The following KIF1B variants were observed in gnomAD, a reference collection of about 807,000 sequenced individuals.
The protein encoded by KIF1B is kinesin-like protein KIF1B.
Under a neutral mutation model 241.9 loss-of-function variants are expected in KIF1B, and 76 were observed. The ratio of observed to expected loss-of-function variants is 0.31; its 90% CI spans 0.26 to 0.38. The LOEUF (loss-of-function observed/expected upper bound fraction) is 0.38. Ranked by LOEUF, KIF1B falls within the 10% of genes least tolerant of loss-of-function variation. The pLI, the probability that KIF1B is intolerant of heterozygous loss-of-function variation, is 1.00. For synonymous variants in KIF1B, 750 were observed against 796.7 expected, an observed-to-expected ratio of 0.94 and a Z score of 0.99; for missense variants, 1,622 against 2,271.4, an observed-to-expected ratio of 0.71 and a Z score of 5.81.
intron 2 of KIF1B, among the ~76,000 whole-genome samples, chr1:10,252,342 C>T (rs1647500236): frequency 6.6e-6 from 1 of 151,030 alleles, no homozygotes; most frequent in Non-Finnish European, 1.5e-5. Flanking sequence ...GCCCAGCCAT[C>T]AGTTCCCACT....
At chr1:10,345,747 T>C (rs1652564678) in intron 34 of KIF1B, 98 bp from the exon 35 acceptor site, 2 of 865,784 alleles carry the variant, frequency 2.3e-6, no homozygotes, top group Admixed American at 2.0e-5. Flanking sequence ...CTTGCTGCCT[T>C]TCCCAAGTAT....
At chr1:10,262,842 A>G (rs1184280661) in intron 5 of KIF1B, among the ~76,000 whole-genome samples, 2 of 152,154 alleles carry the variant, frequency 1.3e-5, no homozygotes, top group Non-Finnish European at 2.9e-5. Flanking sequence ...TTTTAAATAT[A>G]TATAATCAAA....
intron 31 of KIF1B, among the ~76,000 whole-genome samples, chr1:10,338,677 C>G (rs551658871): frequency 6.6e-6 from 1 of 152,354 alleles, no homozygotes; most frequent in African/African-American, 2.4e-5. Flanking sequence ...CTGGTGTTAG[C>G]TCTGGGGAAA....
chr1:10,264,517 C>G (rs746089956), intron 5 of KIF1B, among the ~76,000 whole-genome samples: 2 of 152,098 alleles, frequency 1.3e-5, no homozygotes, highest in African/African-American at 2.4e-5. Flanking sequence ...TAATATATTC[C>G]GGGGATTCAG....
intron 27 of KIF1B, among the ~76,000 whole-genome samples, chr1:10,332,499 T>G: frequency 7.5e-6 from 1 of 132,594 alleles, no homozygotes; most frequent in Non-Finnish European, 1.6e-5. Flanking sequence ...AAGATAATAG[T>G]CATTTTTTTT....
At chr1:10,343,199 A>G (rs1302409315) in intron 33 of KIF1B, 33 bp from the exon 34 acceptor site, 3 of 1,611,608 alleles carry the variant, frequency 1.9e-6, no homozygotes, top group Admixed American at 3.3e-5. Flanking sequence ...ATAACTCTTT[A>G]TAGTCTTGAT....
chr1:10,372,614 G>C (rs112126711), intron 45 of KIF1B, among the ~76,000 whole-genome samples: 5,192 of 141,646 alleles, frequency 0.037, 117 homozygotes, highest in Middle Eastern at 0.12. Context: ...GGAGGCGGAG[G>C]TTGCAGTGAG....
intron 22 of KIF1B, among the ~76,000 whole-genome samples, chr1:10,311,600 C>T (rs1417991910): frequency 6.6e-6 from 1 of 151,436 alleles, no homozygotes; most frequent in East Asian, 1.9e-4. Context: ...ACCAAAGCTG[C>T]TCTTATCAGA....
chr1:10,358,119 GAA>G (rs1480170879), intron 38 of KIF1B, among the ~76,000 whole-genome samples: 2 of 134,852 alleles, frequency 1.5e-5, no homozygotes, highest in Non-Finnish European at 3.2e-5. Context: ...AAAAAAAAAA[GAA>G]AGAAACTTTT....
chr1:10,286,999 A>G (rs1400847756), intron 15 of KIF1B, among the ~76,000 whole-genome samples: 1 of 152,200 alleles, frequency 6.6e-6, no homozygotes, highest in East Asian at 1.9e-4. Context: ...TGCCAGCAGA[A>G]TGAGTTGATG....
chr1:10,366,885 C>T (rs1638591377), intron 43 of KIF1B, among the ~76,000 whole-genome samples: 1 of 151,326 alleles, frequency 6.6e-6, no homozygotes, highest in Non-Finnish European at 1.5e-5. Context: ...GCAGGAGAAT[C>T]GCTTGAACCC....
chr1:10,322,885 C>T (rs113784605), intron 24 of KIF1B, among the ~76,000 whole-genome samples: 2 of 152,090 alleles, frequency 1.3e-5, no homozygotes, highest in African/African-American at 2.4e-5. Context: ...GATGCAATGT[C>T]GTGAAGTACT....
intron 1 of KIF1B, among the ~76,000 whole-genome samples, chr1:10,217,219 C>G (rs981311411): frequency 9.9e-5 from 15 of 151,582 alleles, no homozygotes; most frequent in Non-Finnish European, 2.2e-4. Context: ...GGTGATCCGC[C>G]CGCCTCTGCC....
chr1:10,351,341 G>A (rs1428144071), intron 37 of KIF1B, among the ~76,000 whole-genome samples: 1 of 152,142 alleles, frequency 6.6e-6, no homozygotes, highest in Non-Finnish European at 1.5e-5. Flanking sequence ...TTCTCTGAAG[G>A]ATCCTATGAT....
intron 22 of KIF1B, among the ~76,000 whole-genome samples, chr1:10,301,525 G>T (rs1281686597): frequency 6.6e-6 from 1 of 152,084 alleles, no homozygotes; most frequent in Non-Finnish European, 1.5e-5. Context: ...AATTAGGTAG[G>T]CGTGGTGGCA....
At chr1:10,304,473 C>T in intron 22 of KIF1B, 1 of 1,610,540 alleles carries the variant, frequency 6.2e-7, no homozygotes, top group Non-Finnish European at 8.5e-7. Flanking sequence ...TTCATCAACA[C>T]CGTCAGTCTT....
chr1:10,281,982 T>C (rs1456833740), intron 14 of KIF1B, among the ~76,000 whole-genome samples: 1 of 152,232 alleles, frequency 6.6e-6, no homozygotes, highest in Non-Finnish European at 1.5e-5. Context: ...AAAGACTAAA[T>C]GGAAGGTAGT....
chr1:10,321,638 A>G, intron 23 of KIF1B, 71 bp from the exon 24 acceptor site: 13 of 1,490,756 alleles, frequency 8.7e-6, no homozygotes, highest in Non-Finnish European at 1.2e-5. Flanking sequence ...AAAAGAGATA[A>G]GCTAGAAGAG....
Position 10,376,704 on chromosome 1 carries a change from C to T in KIF1B, c.*117C>T. The T allele has an allele frequency of 6.8e-6, 7 of 1,032,404 alleles. No individual in the cohort carries two copies. The highest frequency in any genetic ancestry group is 1.1e-5 in the Non-Finnish European group (7 of 657,974). The allele number at this position is 1,032,404 out of a possible 1,614,324, so 64.0% of individuals were successfully genotyped here. ...ATGTAATCCTGTGGCTTAACTACTTCTCCCTCCTTGTCCAGCACTTTTCTA... is the reference window on the plus strand; with the variant it reads ...ATGTAATCCTGTGGCTTAACTACTTTTCCCTCCTTGTCCAGCACTTTTCTA... On this transcript the variant is annotated 3_prime_UTR_variant, in exon 49 of 49. Coordinates refer to ENST00000676179, the MANE Select transcript of KIF1B (RefSeq NM_001365951.3).
Sources: gnomAD v4.1 joint callset for allele counts (sites outside exome capture counted in the v4.1 genomes callset) on GRCh38, gnomAD v4.1.1 for gene constraint, MANE v1.5 for transcripts, NCBI Gene and HGNC (gene_info 2026-07-23, HGNC 2026-07-21) for gene names.